Variants in POU2F1 observed in about 807,000 individuals in gnomAD.
POU2F1 encodes the protein POU domain, class 2, transcription factor 1.
In POU2F1, 16 loss-of-function variants were observed where a neutral mutation model predicts 84.9. That is an observed-to-expected ratio of 0.19 (90% CI 0.13 to 0.29). The LOEUF (loss-of-function observed/expected upper bound fraction) is 0.29, where lower values mean the gene tolerates loss of function less well. Ranked by LOEUF, POU2F1 falls within the 10% of genes least tolerant of loss-of-function variation. The pLI, the probability that POU2F1 is intolerant of heterozygous loss-of-function variation, is 1.00. For synonymous variants in POU2F1, 368 were observed against 368.3 expected (o/e 1.00, Z 0.01); for missense variants, 738 against 942.6 (o/e 0.78, Z 2.84).
At chr1:167,393,601 T>C (rs1415956197) in intron 9 of POU2F1, among the ~76,000 whole-genome samples, 1 of 152,042 alleles carries the variant, frequency 6.6e-6, no homozygotes, top group Non-Finnish European at 1.5e-5. Context: ...TGGGGTCAAG[T>C]GATCCTCCCA....
At chr1:167,370,476 A>G (rs1036321182) in intron 4 of POU2F1, among the ~76,000 whole-genome samples, 4 of 152,220 alleles carry the variant, frequency 2.6e-5, no homozygotes, top group South Asian at 2.1e-4. Flanking sequence ...AAATGTTTCT[A>G]AGTTATACTG....
chr1:167,340,279 C>T (rs1364250142), intron 2 of POU2F1, among the ~76,000 whole-genome samples: 6 of 151,972 alleles, frequency 3.9e-5, no homozygotes, highest in Non-Finnish European at 8.8e-5. Flanking sequence ...GGGGTTTCTT[C>T]ATGTTGGTCA....
intron 1 of POU2F1, among the ~76,000 whole-genome samples, chr1:167,233,713 T>G (rs1649242482): frequency 6.6e-6 from 1 of 152,224 alleles, no homozygotes; most frequent in Non-Finnish European, 1.5e-5. Flanking sequence ...GGAACAAAAG[T>G]TCAGCATAGC....
chr1:167,413,040 G>C lies in POU2F1; in HGVS notation c.1916G>C (p.Ser639Thr). Residue 639 changes from serine to threonine, a missense_variant, in exon 15 of 16, where the codon AGT (serine) becomes ACT (threonine). Transcript: ENST00000367866. ...TGGACTTGCAGAGGTGCCTTACTCAGTCTGAATCCAGGGACCCTGAGCGGT... is the reference window on the plus strand; with the variant it reads ...TGGACTTGCAGAGGTGCCTTACTCACTCTGAATCCAGGGACCCTGAGCGGT... The part of the protein sequence containing the change: ...SQFAAGGALL[S>T]LNPGTLSGAL... 1 of 1,614,042 alleles carries C rather than the reference G, an allele frequency of 6.2e-7. No individual in the cohort carries two copies. The highest frequency in any genetic ancestry group is 8.5e-7 in the Non-Finnish European group (1 of 1,179,888).
chr1:167,263,075 GA>G (rs1232963564), intron 1 of POU2F1, among the ~76,000 whole-genome samples: 1 of 152,192 alleles, frequency 6.6e-6, no homozygotes, highest in Non-Finnish European at 1.5e-5. Context: ...ATGAGAAAAT[GA>G]AAGTGTTTTC....
At chr1:167,253,770 C>T (rs1326149636) in intron 1 of POU2F1, among the ~76,000 whole-genome samples, 3 of 152,084 alleles carry the variant, frequency 2.0e-5, no homozygotes, top group African/African-American at 7.2e-5. Context: ...CTTAGGTCCT[C>T]CTTCCCCCAT....
At chr1:167,322,771 T>A (rs1329321785) in intron 1 of POU2F1, among the ~76,000 whole-genome samples, 3 of 152,214 alleles carry the variant, frequency 2.0e-5, no homozygotes, top group Non-Finnish European at 4.4e-5. Flanking sequence ...AGTAAGCCAG[T>A]CATAAGCATT....
At chr1:167,234,258 A>G (rs1341234521) in intron 1 of POU2F1, among the ~76,000 whole-genome samples, 2 of 152,216 alleles carry the variant, frequency 1.3e-5, no homozygotes, top group Non-Finnish European at 2.9e-5. Flanking sequence ...TCTAGAATCA[A>G]TTGTGCATTC....
At chr1:167,268,895 A>G (rs1652168694) in intron 1 of POU2F1, among the ~76,000 whole-genome samples, 1 of 152,212 alleles carries the variant, frequency 6.6e-6, no homozygotes, top group African/African-American at 2.4e-5. Context: ...TTAATCCTAT[A>G]GCTTAAAAAT....
At chr1:167,287,061 A>G (rs1297596449) in intron 1 of POU2F1, among the ~76,000 whole-genome samples, 3 of 152,202 alleles carry the variant, frequency 2.0e-5, no homozygotes, top group Admixed American at 1.3e-4. Context: ...GGGCAGGGAA[A>G]TGGAGCTGAG....
intron 1 of POU2F1, among the ~76,000 whole-genome samples, chr1:167,234,434 T>A (rs1331334836): frequency 2.0e-5 from 3 of 152,172 alleles, no homozygotes; most frequent in Admixed American, 6.5e-5. Flanking sequence ...GGGTTTTTGT[T>A]AAGAATTGTA....
At chr1:167,259,351 G>A (rs750062070) in intron 1 of POU2F1, among the ~76,000 whole-genome samples, 1 of 152,208 alleles carries the variant, frequency 6.6e-6, no homozygotes, top group African/African-American at 2.4e-5. Context: ...AAATGGCATG[G>A]ATACAGGGAA....
chr1:167,355,920 T>C (rs1658903426), intron 2 of POU2F1, among the ~76,000 whole-genome samples: 1 of 152,118 alleles, frequency 6.6e-6, no homozygotes, highest in South Asian at 2.1e-4. Context: ...AAAATTGTTT[T>C]CATTTGGAAT....
At chr1:167,376,956 C>T (rs770098741) in intron 7 of POU2F1, among the ~76,000 whole-genome samples, 1 of 152,080 alleles carries the variant, frequency 6.6e-6, no homozygotes, top group Non-Finnish European at 1.5e-5. Flanking sequence ...GCTATGGGAA[C>T]CAAGCAAAGA....
At chr1:167,369,143 T>G (rs1030881693) in intron 3 of POU2F1, among the ~76,000 whole-genome samples, 2 of 152,182 alleles carry the variant, frequency 1.3e-5, no homozygotes, top group Admixed American at 1.3e-4. Flanking sequence ...CATTGACTGT[T>G]TTGAACAGTG....
intron 1 of POU2F1, among the ~76,000 whole-genome samples, chr1:167,332,145 T>C (rs965318806): frequency 1.3e-5 from 2 of 152,166 alleles, no homozygotes; most frequent in African/African-American, 4.8e-5. Context: ...TTACTTCATG[T>C]TAAAAGCATT....
At chr1:167,350,610 G>A (rs1185673886) in intron 2 of POU2F1, among the ~76,000 whole-genome samples, 1 of 150,596 alleles carries the variant, frequency 6.6e-6, no homozygotes, top group African/African-American at 2.5e-5. Flanking sequence ...AGAGGTGGAG[G>A]TTGCAGTGAG....
intron 1 of POU2F1, among the ~76,000 whole-genome samples, chr1:167,261,590 A>G (rs185810836): frequency 6.6e-6 from 1 of 152,310 alleles, no homozygotes; most frequent in East Asian, 1.9e-4. Flanking sequence ...TGCATTGAGG[A>G]TGACCAACTT....
At position 167,389,719 on chromosome 1, in the gene POU2F1, C is replaced by T; in HGVS notation, c.945C>T (p.Ala315=). The change falls in exon 9 of 16, where the codon GCC becomes GCT. Residue 315 remains alanine (A), a synonymous_variant. Transcript: ENST00000367866. The part of the protein sequence containing the change: ...PSDLEELEQF[A]KTFKQRRIKL... Reference sequence around the variant, plus strand: ...ACCTTGAGGAGCTTGAGCAGTTTGCCAAGACCTTCAAACAAAGACGAATCA... The same window carrying T: ...ACCTTGAGGAGCTTGAGCAGTTTGCTAAGACCTTCAAACAAAGACGAATCA... 1 of 1,613,996 alleles carries T rather than the reference C, an allele frequency of 6.2e-7. No homozygotes were observed. Among genetic ancestry groups the T allele is most frequent in the Non-Finnish European group, 8.5e-7 (1 of 1,179,958 alleles).
Sources: gnomAD v4.1 joint callset for allele counts (sites outside exome capture counted in the v4.1 genomes callset) on GRCh38, gnomAD v4.1.1 for gene constraint, MANE v1.5 for transcripts, NCBI Gene and HGNC (gene_info 2026-07-23, HGNC 2026-07-21) for gene names.